TYW1B: variants seen among roughly 807,000 people sequenced by gnomAD.
TYW1B encodes the protein tRNA-yW synthesizing protein 1 homolog B, also known as S-adenosyl-L-methionine-dependent tRNA 4-demethylwyosine synthase TYW1B.
TYW1B carries 73 observed loss-of-function variants against 86.9 expected under a neutral mutation model. The observed-to-expected ratio is 0.84, with a 90% CI of 0.70 to 1.02. The LOEUF is 1.02. Ranked by LOEUF, TYW1B falls within the 50% of genes least tolerant of loss-of-function variation. The pLI is 0.00. For synonymous variants in TYW1B, 248 were observed against 292.8 expected (o/e 0.85, Z 1.56); for missense variants, 637 against 827.4 (o/e 0.77, Z 2.82).
At chr7:72,688,609 C>T (rs782010675) in intron 11 of TYW1B, among the ~76,000 whole-genome samples, 25 of 152,234 alleles carry the variant, frequency 1.6e-4, no homozygotes, top group Middle Eastern at 6.8e-3. Context: ...CTTTTGTTCC[C>T]GCAGGCTCCC....
intron 6 of TYW1B, among the ~76,000 whole-genome samples, chr7:72,778,879 G>A (rs1554471124): frequency 6.6e-6 from 1 of 152,076 alleles, no homozygotes. Flanking sequence ...CATTGTAACT[G>A]GCTTGATATG....
At chr7:72,827,970 C>G in intron 1 of TYW1B, 102 bp downstream of exon 1, 3 of 1,577,764 alleles carry the variant, frequency 1.9e-6, no homozygotes, top group Non-Finnish European at 1.7e-6. Context: ...CAACAGTCTC[C>G]GAAGGAAGGG....
chr7:72,788,184 T>A (rs1376862518), intron 6 of TYW1B, among the ~76,000 whole-genome samples: 2 of 152,042 alleles, frequency 1.3e-5, no homozygotes, highest in Non-Finnish European at 2.9e-5. Context: ...TTTCATTGTG[T>A]TAGCCAGGAT....
intron 11 of TYW1B, among the ~76,000 whole-genome samples, chr7:72,685,403 A>T (rs1217086930): frequency 6.6e-6 from 1 of 152,228 alleles, no homozygotes; most frequent in Non-Finnish European, 1.5e-5. Flanking sequence ...AATACAGTAG[A>T]TGTTAATCCA....
intron 13 of TYW1B, among the ~76,000 whole-genome samples, chr7:72,592,891 T>A (rs1465308908): frequency 6.6e-6 from 1 of 152,158 alleles, no homozygotes; most frequent in Non-Finnish European, 1.5e-5. Context: ...AATCAACATA[T>A]ACAAAGCAGA....
chr7:72,692,063 G>A (rs1441119145), intron 11 of TYW1B, among the ~76,000 whole-genome samples: 6 of 151,444 alleles, frequency 4.0e-5, no homozygotes, highest in Admixed American at 2.0e-4. Flanking sequence ...AAAACTAGCC[G>A]GGCATGGTGG....
intron 11 of TYW1B, among the ~76,000 whole-genome samples, chr7:72,677,981 C>T (rs1456138668): frequency 1.3e-5 from 2 of 152,194 alleles, no homozygotes; most frequent in South Asian, 2.1e-4. Flanking sequence ...AGATTACAGG[C>T]GTGAGCCACC....
At chr7:72,769,149 C>CA in intron 7 of TYW1B, 1 of 465,628 alleles carries the variant, frequency 2.1e-6, no homozygotes, top group African/African-American at 2.1e-5. Flanking sequence ...TGTTGCCATT[C>CA]ATGTGTGCTG....
intron 11 of TYW1B, among the ~76,000 whole-genome samples, chr7:72,660,700 G>C (rs373932084): frequency 4.0e-4 from 61 of 152,146 alleles, no homozygotes; most frequent in African/African-American, 1.4e-3. Flanking sequence ...GGAGACATTA[G>C]GAAAGAGAAA....
chr7:72,791,413 CAAAAAA>C (rs782341439), intron 6 of TYW1B, among the ~76,000 whole-genome samples: 3 of 139,720 alleles, frequency 2.1e-5, no homozygotes, highest in South Asian at 2.3e-4. Flanking sequence ...TGCTAAACCT[CAAAAAA>C]AAAAAAAAAA....
chr7:72,605,602 T>G (rs1811774782), intron 13 of TYW1B, among the ~76,000 whole-genome samples: 1 of 152,146 alleles, frequency 6.6e-6, no homozygotes, highest in Admixed American at 6.5e-5. Context: ...TCCGCCCACT[T>G]CGGCCTCCCA....
At chr7:72,725,752 C>G (rs538866068) in intron 9 of TYW1B, among the ~76,000 whole-genome samples, 1 of 152,270 alleles carries the variant, frequency 6.6e-6, no homozygotes, top group African/African-American at 2.4e-5. Context: ...TCCCACTCTT[C>G]CCTGAGTCTC....
intron 12 of TYW1B, among the ~76,000 whole-genome samples, chr7:72,628,233 C>T (rs529303584): frequency 4.6e-5 from 7 of 152,182 alleles, no homozygotes; most frequent in East Asian, 3.9e-4. Flanking sequence ...CAGTAAGCTA[C>T]GATCACAGCA....
At chr7:72,685,112 GAAA>G (rs782187369) in intron 11 of TYW1B, among the ~76,000 whole-genome samples, 2 of 98,772 alleles carry the variant, frequency 2.0e-5, no homozygotes, top group Admixed American at 1.2e-4. Flanking sequence ...ACTCAATCTC[GAAA>G]AAAAAAAAAA....
chr7:72,598,639 T>A lies in TYW1B; in HGVS notation c.1785+18033A>T, dbSNP rs530268417. The stretch of plus-strand genomic sequence containing the variant: ...TTGTCCAGTAATGGCTTTAGTAAGT[T>A]TAATAGCCTGAGGAGTTATTACAAG... On this transcript the variant is annotated intron_variant, in intron 13 of 13. Coordinates refer to ENST00000620995, the MANE Select transcript of TYW1B (RefSeq NM_001145440.3). 8.5e-5 allele frequency among the ~76,000 whole-genome samples: 13 copies of A among 152,260 alleles called. No homozygotes were observed. In the East Asian group the frequency reaches 2.5e-3, roughly 29 times the overall value.
chr7:72,747,194 C>T (rs1281400915), intron 7 of TYW1B, among the ~76,000 whole-genome samples: 1 of 152,192 alleles, frequency 6.6e-6, no homozygotes, highest in South Asian at 2.1e-4. Flanking sequence ...TGGGGAGGAA[C>T]TGAATCACAG....
At chr7:72,745,476 A>G (rs1321330954) in intron 7 of TYW1B, among the ~76,000 whole-genome samples, 1 of 152,212 alleles carries the variant, frequency 6.6e-6, no homozygotes, top group Non-Finnish European at 1.5e-5. Context: ...TGTAGTAAGT[A>G]GGTAATCTAA....
chr7:72,596,745 T>C (rs1426752507), intron 13 of TYW1B, among the ~76,000 whole-genome samples: 1 of 152,006 alleles, frequency 6.6e-6, no homozygotes, highest in African/African-American at 2.4e-5. Context: ...GTATGGAGAA[T>C]AGGCAAGAAA....
chr7:72,681,471 G>A (rs1813873272), intron 11 of TYW1B, among the ~76,000 whole-genome samples: 1 of 152,122 alleles, frequency 6.6e-6, no homozygotes, highest in South Asian at 2.1e-4. Context: ...GACTGTGGGA[G>A]GGGAGGGAAG....
Sources: gnomAD v4.1 joint callset for allele counts (sites outside exome capture counted in the v4.1 genomes callset) on GRCh38, gnomAD v4.1.1 for gene constraint, MANE v1.5 for transcripts, NCBI Gene and HGNC (gene_info 2026-07-23, HGNC 2026-07-21) for gene names.